NRXN1: variants seen among roughly 807,000 people sequenced by gnomAD.
NRXN1 encodes the protein neurexin 1.
NRXN1 carries 39 observed loss-of-function variants against 150.9 expected under a neutral mutation model. That is an observed-to-expected ratio of 0.26 (90% CI 0.20 to 0.34). The LOEUF is 0.34. Among genes scored for constraint, NRXN1 ranks in the 10% least tolerant of loss-of-function variants. The probability of loss-of-function intolerance (pLI) is 1.00; values close to 1 mark genes in which losing one functional copy is unlikely to be tolerated. For synonymous variants in NRXN1, 924 were observed against 757.0 expected, an observed-to-expected ratio of 1.22 and a Z score of -3.62; for missense variants, 1,815 against 1,949.9, an observed-to-expected ratio of 0.93 and a Z score of 1.30.
At chr2:50,827,862 C>T (rs929504870) in intron 5 of NRXN1, among the ~76,000 whole-genome samples, 5 of 149,318 alleles carry the variant, frequency 3.3e-5, no homozygotes, top group Non-Finnish European at 7.4e-5. Flanking sequence ...CTTGCACCGC[C>T]CTTAATCCAT....
intron 5 of NRXN1, among the ~76,000 whole-genome samples, chr2:50,715,800 G>C (rs1410188470): frequency 1.3e-5 from 2 of 152,114 alleles, no homozygotes; most frequent in African/African-American, 4.8e-5. Context: ...AGCCCTCGCT[G>C]ATTATTAGTT....
chr2:50,144,019 T>C (rs999303665), intron 18 of NRXN1, among the ~76,000 whole-genome samples: 11 of 151,906 alleles, frequency 7.2e-5, no homozygotes, highest in Non-Finnish European at 1.3e-4. Context: ...CACTGGCCTG[T>C]GAAAGCTACT....
At chr2:50,430,374 A>G (rs1057119393) in intron 17 of NRXN1, among the ~76,000 whole-genome samples, 11 of 152,290 alleles carry the variant, frequency 7.2e-5, no homozygotes, top group Non-Finnish European at 1.5e-4. Flanking sequence ...TACCAACACT[A>G]TCCAATAGAA....
At chr2:50,583,931 C>T (rs1251129926) in intron 8 of NRXN1, among the ~76,000 whole-genome samples, 18 of 152,300 alleles carry the variant, frequency 1.2e-4, no homozygotes. Flanking sequence ...CTCACCTTGA[C>T]CCCAAGTGAC....
chr2:50,682,516 G>C (rs2194393), intron 5 of NRXN1, among the ~76,000 whole-genome samples: 56,203 of 151,916 alleles, frequency 0.37, 10,918 homozygotes, highest in East Asian at 0.6. Context: ...TCGTGACTTG[G>C]TTGACACACA....
chr2:50,525,023 T>C (rs1045840763), intron 12 of NRXN1, among the ~76,000 whole-genome samples: 2 of 152,202 alleles, frequency 1.3e-5, no homozygotes, highest in African/African-American at 4.8e-5. Context: ...AGAATGAGAC[T>C]AATGTCCTGT....
chr2:50,817,813 T>C (rs558184642), intron 5 of NRXN1, among the ~76,000 whole-genome samples: 11 of 151,948 alleles, frequency 7.2e-5, no homozygotes, highest in South Asian at 6.2e-4. Flanking sequence ...CTTTTCATGA[T>C]AAAAACACTT....
Position 49,921,824 on chromosome 2 carries a change from G to T in NRXN1, c.*120C>A. ...ATTTTTTAAAAAGTCTTTCCTTCCT[G>T]ATTGCATTCCCTGTCTTCTTTTGTA... is the stretch of plus-strand genomic sequence containing the variant. On this transcript the variant is annotated 3_prime_UTR_variant, in exon 23 of 23. Transcript: ENST00000401669. The T allele has an allele frequency of 1.0e-6, 1 of 985,238 alleles. No individual in the cohort carries two copies. 61.0% of individuals were successfully genotyped at this position (985,238 alleles called of 1,614,324 possible).
At chr2:50,433,574 T>TG (rs1378547120) in intron 17 of NRXN1, among the ~76,000 whole-genome samples, 1 of 151,856 alleles carries the variant, frequency 6.6e-6, no homozygotes, top group Non-Finnish European at 1.5e-5. Context: ...TTTTTTTTTT[T>TG]TTTTCTGATT....
At chr2:50,146,596 T>G (rs1180581152) in intron 18 of NRXN1, among the ~76,000 whole-genome samples, 2 of 151,712 alleles carry the variant, frequency 1.3e-5, no homozygotes, top group Admixed American at 6.6e-5. Context: ...TGATAAGATA[T>G]TCTATCAACA....
intron 17 of NRXN1, among the ~76,000 whole-genome samples, chr2:50,384,305 G>C (rs1249169814): frequency 1.3e-5 from 2 of 151,974 alleles, no homozygotes; most frequent in Non-Finnish European, 2.9e-5. Flanking sequence ...AGGAGATTGA[G>C]ACTATCCTGG....
At chr2:50,466,921 G>T (rs1225055832) in intron 16 of NRXN1, among the ~76,000 whole-genome samples, 1 of 151,688 alleles carries the variant, frequency 6.6e-6, no homozygotes, top group Non-Finnish European at 1.5e-5. Context: ...TTTCCCTCTA[G>T]ATCCTTTATC....
rs114632790 is a variant in NRXN1, at chr2:50,946,237, C to G, written c.773-20282G>C. ...GAAATGCTGCATACGACGCTATGAA[C>G]ATGAGCTTAATTACACTATGAGCAT... On this transcript the variant is annotated intron_variant, in intron 2 of 22. Transcript: ENST00000401669. Among the ~76,000 whole-genome samples the G allele has an allele frequency of 5.2e-3, 791 of 152,184 alleles. 8 individuals are homozygous for G. Among genetic ancestry groups the G allele is most frequent in the African/African-American group, 0.019 (772 of 41,522 alleles).
intron 17 of NRXN1, among the ~76,000 whole-genome samples, chr2:50,372,802 A>T (rs1252774093): frequency 6.6e-6 from 1 of 152,112 alleles, no homozygotes; most frequent in African/African-American, 2.4e-5. Flanking sequence ...TCATTTCTAT[A>T]TTGATTATTT....
In NRXN1 at chr2:50,601,432, C is replaced by G. The variant is rs182516340; in HGVS notation, c.1320+18590G>C. Among the ~76,000 whole-genome samples the G allele has an allele frequency of 5.7e-4, 87 of 152,218 alleles. 1 individual carries two copies. Among genetic ancestry groups the G allele is most frequent in the African/African-American group, 2.0e-3 (84 of 41,534 alleles). ...CCTGTTTTTCAGGATGGTACCAAAACAACAGAAATTCTGATGAATTATGTC... is the reference window on the plus strand; with the variant it reads ...CCTGTTTTTCAGGATGGTACCAAAAGAACAGAAATTCTGATGAATTATGTC... On this transcript the variant is annotated intron_variant, in intron 8 of 22. Coordinates refer to ENST00000401669, the MANE Select transcript of NRXN1 (RefSeq NM_001330078.2).
chr2:49,946,464 T>G (rs1290928600), intron 21 of NRXN1, among the ~76,000 whole-genome samples: 1 of 152,194 alleles, frequency 6.6e-6, no homozygotes, highest in Non-Finnish European at 1.5e-5. Context: ...CCCATGCCTG[T>G]GTCCTAAATG....
intron 18 of NRXN1, among the ~76,000 whole-genome samples, chr2:50,178,262 C>T (rs1574339864): frequency 6.6e-6 from 1 of 152,016 alleles, no homozygotes; most frequent in Non-Finnish European, 1.5e-5. Flanking sequence ...GGCTGGATGG[C>T]ACTGCACAAG....
intron 21 of NRXN1, among the ~76,000 whole-genome samples, chr2:49,995,994 A>G (rs1223084439): frequency 6.6e-6 from 1 of 151,884 alleles, no homozygotes; most frequent in Non-Finnish European, 1.5e-5. Context: ...ATATTTACTG[A>G]GCATCCACAG....
intron 17 of NRXN1, among the ~76,000 whole-genome samples, chr2:50,364,488 A>T (rs1222121487): frequency 6.6e-6 from 1 of 152,132 alleles, no homozygotes; most frequent in Non-Finnish European, 1.5e-5. Flanking sequence ...AACAGCTACA[A>T]ATAAGTCACA....
Sources: gnomAD v4.1 joint callset for allele counts (sites outside exome capture counted in the v4.1 genomes callset) on GRCh38, gnomAD v4.1.1 for gene constraint, MANE v1.5 for transcripts, NCBI Gene and HGNC (gene_info 2026-07-23, HGNC 2026-07-21) for gene names.